The following ZCCHC14 variants were observed in gnomAD, a reference collection of about 807,000 sequenced individuals.
ZCCHC14 encodes the protein zinc finger CCHC domain-containing protein 14.
A neutral mutation model predicts 85.0 loss-of-function variants in ZCCHC14; 16 were observed. That is an observed-to-expected ratio of 0.19 (90% CI 0.13 to 0.29). The LOEUF (loss-of-function observed/expected upper bound fraction) is 0.29, where lower values mean the gene tolerates loss of function less well. ZCCHC14 is among the 10% of genes least tolerant of loss of function. ZCCHC14 has a pLI of 1.00. For missense variants in ZCCHC14, 1,303 were observed against 1,443.5 expected (o/e 0.90, Z 1.58); for synonymous variants, 775 against 630.7 (o/e 1.23, Z -3.43).
intron 1 of ZCCHC14, chr16:87,467,728 T>C: frequency 6.5e-6 from 4 of 618,154 alleles, no homozygotes; most frequent in Admixed American, 2.3e-5. Flanking sequence ...CTTGGCTCAC[T>C]GCAAGCTCCG....
intron 1 of ZCCHC14, among the ~76,000 whole-genome samples, chr16:87,481,775 G>C (rs1912291947): frequency 6.6e-6 from 1 of 152,180 alleles, no homozygotes; most frequent in Non-Finnish European, 1.5e-5. Context: ...GGGAAGGACA[G>C]AGCAGGTCAG....
intron 1 of ZCCHC14, among the ~76,000 whole-genome samples, chr16:87,490,428 C>G (rs544021808): frequency 6.6e-6 from 1 of 152,356 alleles, no homozygotes; most frequent in East Asian, 1.9e-4. Context: ...AAATACACAT[C>G]ACACCAGGTC....
At chr16:87,417,352 C>T (rs1326701458) in intron 8 of ZCCHC14, 108 bp downstream of exon 8, 10 of 1,494,890 alleles carry the variant, frequency 6.7e-6, no homozygotes, top group Non-Finnish European at 9.1e-6. Context: ...TGCGCCTCGG[C>T]CTCCGTACTT....
At chr16:87,432,064 T>C (rs945506806) in intron 3 of ZCCHC14, among the ~76,000 whole-genome samples, 1 of 152,164 alleles carries the variant, frequency 6.6e-6, no homozygotes, top group South Asian at 2.1e-4. Context: ...GAAAAAGGAT[T>C]TGAAGTATTT....
At chr16:87,487,815 G>T (rs555422405) in intron 1 of ZCCHC14, among the ~76,000 whole-genome samples, 19 of 152,312 alleles carry the variant, frequency 1.2e-4, no homozygotes, top group African/African-American at 4.6e-4. Flanking sequence ...GAAAGAGGAG[G>T]AAGTGCTGAC....
intron 3 of ZCCHC14, among the ~76,000 whole-genome samples, chr16:87,427,539 A>G (rs1223769065): frequency 2.0e-5 from 3 of 152,206 alleles, no homozygotes; most frequent in African/African-American, 7.2e-5. Context: ...CAGCCACCCA[A>G]GTGAAAAAAT....
At chr16:87,458,747 G>A (rs768886069) in intron 2 of ZCCHC14, among the ~76,000 whole-genome samples, 3 of 152,156 alleles carry the variant, frequency 2.0e-5, no homozygotes, top group Admixed American at 2.0e-4. Context: ...GAGCGAGTGC[G>A]GCTCTGGGCC....
chr16:87,450,505 G>C (rs1910645059), intron 2 of ZCCHC14, among the ~76,000 whole-genome samples: 1 of 150,030 alleles, frequency 6.7e-6, no homozygotes, highest in Admixed American at 6.6e-5. Flanking sequence ...TCATTTGTTA[G>C]TTCTTCACAA....
intron 1 of ZCCHC14, chr16:87,470,388 T>A (rs926391577): frequency 6.6e-6 from 1 of 152,240 alleles, no homozygotes; most frequent in Middle Eastern, 3.4e-3. Context: ...TGAATAATTA[T>A]TTAATTACTT....
chr16:87,442,816 CA>C (rs1359692549), intron 2 of ZCCHC14, among the ~76,000 whole-genome samples: 2 of 152,212 alleles, frequency 1.3e-5, no homozygotes, highest in African/African-American at 4.8e-5. Flanking sequence ...GGGACTTTCG[CA>C]TCAGAAACCA....
At position 87,447,889 on chromosome 16, in the gene ZCCHC14, C is replaced by T. The variant is rs189143772; in HGVS notation, c.694+12119G>A. Among the ~76,000 whole-genome samples, 240 of 152,290 alleles carry T rather than the reference C, an allele frequency of 1.6e-3. 1 individual carries two copies. Among genetic ancestry groups the T allele is most frequent in the Non-Finnish European group, 2.4e-3 (161 of 68,016 alleles). ...TCTGTCCTTCTGACTTCCATTACCTCGGTGAATAGAAATGATACTCTCCTG... is the reference window on the plus strand; with the variant it reads ...TCTGTCCTTCTGACTTCCATTACCTTGGTGAATAGAAATGATACTCTCCTG... On this transcript the variant is annotated intron_variant, in intron 2 of 12. Coordinates refer to ENST00000671377, the MANE Select transcript of ZCCHC14 (RefSeq NM_015144.3).
intron 1 of ZCCHC14, among the ~76,000 whole-genome samples, chr16:87,465,958 C>A (rs1008991898): frequency 5.9e-5 from 9 of 152,108 alleles, no homozygotes; most frequent in African/African-American, 2.2e-4. Context: ...CCGGTCTCCG[C>A]AACGTCCCTT....
intron 1 of ZCCHC14, among the ~76,000 whole-genome samples, chr16:87,487,537 A>C (rs1912563539): frequency 6.6e-6 from 1 of 152,148 alleles, no homozygotes; most frequent in South Asian, 2.1e-4. Flanking sequence ...CTGAGGCCAC[A>C]CCTACACAGC....
chr16:87,446,066 C>T (rs1910419894), intron 2 of ZCCHC14, among the ~76,000 whole-genome samples: 2 of 150,508 alleles, frequency 1.3e-5, no homozygotes, highest in East Asian at 3.9e-4. Flanking sequence ...ATTTGGGAGG[C>T]TAAGGCAGAA....
At chr16:87,465,484 G>A (rs976129797) in intron 1 of ZCCHC14, among the ~76,000 whole-genome samples, 4 of 152,158 alleles carry the variant, frequency 2.6e-5, no homozygotes, top group East Asian at 3.8e-4. Context: ...TGGTAGTCAC[G>A]GGGCACACCC....
intron 7 of ZCCHC14, 133 bp from the exon 8 acceptor site, chr16:87,417,875 C>A: frequency 1.8e-6 from 2 of 1,104,642 alleles, no homozygotes; most frequent in South Asian, 3.3e-5. Context: ...ACAGGCCACC[C>A]TGAACTGCCA....
intron 8 of ZCCHC14, among the ~76,000 whole-genome samples, chr16:87,417,112 C>T (rs115231459): frequency 0.029 from 4,346 of 152,286 alleles, 214 homozygotes; most frequent in African/African-American, 0.1. Flanking sequence ...GCAGTGTCTG[C>T]GCCAGCTACG....
chr16:87,462,752 G>A (rs112918504), intron 1 of ZCCHC14, among the ~76,000 whole-genome samples: 1 of 119,820 alleles, frequency 8.3e-6, no homozygotes, highest in African/African-American at 3.1e-5. Flanking sequence ...AAAAAAAAAA[G>A]AAAAAAGAAA....
chr16:87,488,952 A>C (rs1245530068), intron 1 of ZCCHC14, among the ~76,000 whole-genome samples: 1 of 134,958 alleles, frequency 7.4e-6, no homozygotes, highest in Non-Finnish European at 1.5e-5. Context: ...AAAAATACAA[A>C]GTCTCTAAGC....
Sources: gnomAD v4.1 joint callset for allele counts (sites outside exome capture counted in the v4.1 genomes callset) on GRCh38, gnomAD v4.1.1 for gene constraint, MANE v1.5 for transcripts, NCBI Gene and HGNC (gene_info 2026-07-23, HGNC 2026-07-21) for gene names.